SLC25A48: variants seen among roughly 807,000 people sequenced by gnomAD.
SLC25A48 encodes CTC-321K16.1.
In SLC25A48, 29 loss-of-function variants were observed where a neutral mutation model predicts 32.2. The ratio of observed to expected loss-of-function variants is 0.90; its 90% confidence interval spans 0.67 to 1.23. SLC25A48 has a LOEUF of 1.23. Ranked by LOEUF, SLC25A48 falls within the 50% of genes most tolerant of loss-of-function variation. SLC25A48 has a pLI of 0.00. For missense variants in SLC25A48, 399 were observed against 422.7 expected (o/e 0.94, Z 0.49); for synonymous variants, 164 against 172.3 (o/e 0.95, Z 0.38).
intron 3 of SLC25A48, among the ~76,000 whole-genome samples, chr5:135,655,005 C>T (rs527622518): frequency 2.6e-5 from 4 of 152,172 alleles, no homozygotes; most frequent in Non-Finnish European, 5.9e-5. Context: ...AGAGCTGTGC[C>T]TTGGGGCAGA....
At chr5:135,874,541 G>A (rs1761904822) in intron 6 of SLC25A48, 20 of 568,448 alleles carry the variant, frequency 3.5e-5, no homozygotes, top group South Asian at 3.3e-4. Flanking sequence ...AGTGGGAAGT[G>A]CCAGAGCTGC....
intron 1 of SLC25A48, among the ~76,000 whole-genome samples, chr5:135,613,800 G>C (rs7737587): frequency 0.17 from 26,208 of 152,130 alleles, 2,423 homozygotes; most frequent in East Asian, 0.31. Context: ...ATTGGTCTAT[G>C]TGTCTGTTTT....
chr5:135,639,950 A>G (rs917811621), intron 3 of SLC25A48, among the ~76,000 whole-genome samples: 7 of 152,218 alleles, frequency 4.6e-5, no homozygotes, highest in African/African-American at 1.7e-4. Context: ...TAGTCAAGAA[A>G]AAATAAAAAC....
chr5:135,612,572 A>C (rs930244232), intron 1 of SLC25A48, among the ~76,000 whole-genome samples: 2 of 152,108 alleles, frequency 1.3e-5, no homozygotes, highest in African/African-American at 4.8e-5. Context: ...TCTGGTATCT[A>C]TCATTCTACT....
chr5:135,882,281 C>G (rs1762531864), intron 7 of SLC25A48, among the ~76,000 whole-genome samples: 1 of 152,248 alleles, frequency 6.6e-6, no homozygotes, highest in Non-Finnish European at 1.5e-5. Flanking sequence ...ACTTCCTGCT[C>G]TAACCCCCAA....
chr5:135,651,120 T>C (rs1753100388), intron 3 of SLC25A48, among the ~76,000 whole-genome samples: 1 of 152,192 alleles, frequency 6.6e-6, no homozygotes, highest in South Asian at 2.1e-4. Flanking sequence ...TTCCCCTTCC[T>C]GGTTCCCATG....
At chr5:135,619,252 G>A (rs1038559470) in intron 1 of SLC25A48, among the ~76,000 whole-genome samples, 10 of 151,740 alleles carry the variant, frequency 6.6e-5, no homozygotes, top group Non-Finnish European at 1.3e-4. Context: ...CTGTCTTCAT[G>A]TTCTGAGTTT....
intron 3 of SLC25A48, among the ~76,000 whole-genome samples, chr5:135,728,567 T>G (rs1755147330): frequency 6.6e-6 from 1 of 152,172 alleles, no homozygotes; most frequent in African/African-American, 2.4e-5. Flanking sequence ...AATTTCTTGT[T>G]TGTGTATTTA....
At chr5:135,772,073 G>T (rs1359312641) in intron 3 of SLC25A48, among the ~76,000 whole-genome samples, 5 of 151,314 alleles carry the variant, frequency 3.3e-5, no homozygotes, top group Non-Finnish European at 7.4e-5. Context: ...ATCACAGAAG[G>T]TGTACACCAC....
At chr5:135,796,197 C>T (rs548739386) in intron 3 of SLC25A48, among the ~76,000 whole-genome samples, 23 of 151,116 alleles carry the variant, frequency 1.5e-4, no homozygotes, top group Admixed American at 1.1e-3. Flanking sequence ...TGATATGGTT[C>T]GCAATATCCA....
At chr5:135,581,442 CA>C (rs934358456) in intron 1 of SLC25A48, among the ~76,000 whole-genome samples, 6 of 152,094 alleles carry the variant, frequency 3.9e-5, no homozygotes, top group Non-Finnish European at 2.9e-5. Context: ...AATTGCTTTC[CA>C]AAAAAATATA....
At chr5:135,878,416 T>C (rs1762206073) in intron 6 of SLC25A48, among the ~76,000 whole-genome samples, 1 of 152,220 alleles carries the variant, frequency 6.6e-6, no homozygotes, top group Non-Finnish European at 1.5e-5. Flanking sequence ...CCTGTGGAAT[T>C]CCAGAAAGGT....
intron 3 of SLC25A48, among the ~76,000 whole-genome samples, chr5:135,764,452 TG>T: frequency 6.6e-6 from 1 of 151,636 alleles, no homozygotes; most frequent in South Asian, 2.1e-4. Flanking sequence ...TTCCATATCG[TG>T]GGGGTTGTAC....
Position 135,748,473 on chromosome 5 carries a change from C to T in SLC25A48, c.-520-64050C>T, listed in dbSNP as rs141578973. 5.1e-3 allele frequency among the ~76,000 whole-genome samples: 780 copies of T among 152,172 alleles called. 4 individuals carry two copies. Among genetic ancestry groups the T allele is most frequent in the African/African-American group, 0.018 (749 of 41,530 alleles). On this transcript the variant is annotated intron_variant, in intron 3 of 10. Transcript: ENST00000646290. Reference sequence around the variant, plus strand: ...ATTTTTGGTAGAGACAGGGTTTTGCCATGTTGGACCGGCTGGTCTTGAACT... The same window carrying T: ...ATTTTTGGTAGAGACAGGGTTTTGCTATGTTGGACCGGCTGGTCTTGAACT...
chr5:135,720,616 C>T (rs1460070754), intron 3 of SLC25A48, among the ~76,000 whole-genome samples: 2 of 152,176 alleles, frequency 1.3e-5, no homozygotes, highest in South Asian at 4.1e-4. Flanking sequence ...CTGTGGCTCC[C>T]GATATCCATC....
At chr5:135,690,057 G>T (rs1754109360) in intron 3 of SLC25A48, among the ~76,000 whole-genome samples, 1 of 152,144 alleles carries the variant, frequency 6.6e-6, no homozygotes, top group Non-Finnish European at 1.5e-5. Flanking sequence ...CACTGCCTCG[G>T]TTTGCTTGGG....
At chr5:135,841,080 C>A (rs1230975525) in intron 1 of SLC25A48, among the ~76,000 whole-genome samples, 1 of 152,126 alleles carries the variant, frequency 6.6e-6, no homozygotes, top group Non-Finnish European at 1.5e-5. Context: ...GCCAACAGTT[C>A]TTTTCCACTT....
chr5:135,780,825 A>G (rs1171660839), intron 3 of SLC25A48, among the ~76,000 whole-genome samples: 2 of 116,120 alleles, frequency 1.7e-5, no homozygotes, highest in African/African-American at 2.6e-5. Context: ...CCAATATCGC[A>G]GGCGGTGTAG....
At chr5:135,613,043 C>A (rs1195192223) in intron 1 of SLC25A48, among the ~76,000 whole-genome samples, 1 of 152,184 alleles carries the variant, frequency 6.6e-6, no homozygotes, top group Non-Finnish European at 1.5e-5. Flanking sequence ...TTCCTACCAA[C>A]AGTGTATGAG....
Sources: gnomAD v4.1 joint callset for allele counts (sites outside exome capture counted in the v4.1 genomes callset) on GRCh38, gnomAD v4.1.1 for gene constraint, MANE v1.5 for transcripts, NCBI Gene and HGNC (gene_info 2026-07-23, HGNC 2026-07-21) for gene names.